UBE3B: variants seen among roughly 807,000 people sequenced by gnomAD.
UBE3B encodes the protein ubiquitin protein ligase E3B, also known as ubiquitin-protein ligase E3B.
A neutral mutation model predicts 132.3 loss-of-function variants in UBE3B; 80 were observed. That is an observed-to-expected ratio of 0.60 (90% CI 0.50 to 0.73). The LOEUF is 0.73. Among genes scored for constraint, UBE3B ranks in the 30% least tolerant of loss-of-function variants. UBE3B has a pLI of 0.00. For missense variants in UBE3B, 1,196 were observed against 1,362.5 expected, an observed-to-expected ratio of 0.88 and a Z score of 1.92; for synonymous variants, 487 against 520.4, an observed-to-expected ratio of 0.94 and a Z score of 0.87.
Position 109,509,607 on chromosome 12 carries a change from A to C in UBE3B, c.1634A>C (p.Asp545Ala). Residue 545 changes from aspartate (D) to alanine (A), a missense_variant, in exon 16 of 28, where the codon GAC becomes GCC. Transcript: ENST00000342494. Reference protein sequence around the residue: ...CSRHLITILDDIEVYEEQISF... With the variant: ...CSRHLITILDAIEVYEEQISF... ...TCTCTCTGATTTAGAATCCTTGATG[A>C]CATTGAAGTTTATGAAGAACAGATT... The C allele has an allele frequency of 6.2e-7, 1 of 1,600,802 alleles. No individual in the cohort carries two copies. Among genetic ancestry groups the C allele is most frequent in the Non-Finnish European group, 8.5e-7 (1 of 1,175,882 alleles).
downstream of UBE3B, among the ~76,000 whole-genome samples, chr12:109,536,964 G>A (rs186298224): frequency 2.0e-4 from 30 of 152,324 alleles, no homozygotes; most frequent in African/African-American, 7.0e-4. Flanking sequence ...AGAGGCAGCT[G>A]TCACCATAGG....
At chr12:109,487,875 T>G (rs1876783023) in intron 6 of UBE3B, among the ~76,000 whole-genome samples, 1 of 152,174 alleles carries the variant, frequency 6.6e-6, no homozygotes, top group Non-Finnish European at 1.5e-5. Context: ...AACTCAGTGG[T>G]CTCCAAGGTT....
chr12:109,502,963 A>G, intron 13 of UBE3B, 60 bp from the exon 14 acceptor site: 1 of 1,604,304 alleles, frequency 6.2e-7, no homozygotes, highest in East Asian at 2.2e-5. Flanking sequence ...TTCCTTTTCC[A>G]GGGTGGGATT....
At chr12:109,531,842 G>A (rs1882971631) in intron 26 of UBE3B, among the ~76,000 whole-genome samples, 1 of 152,078 alleles carries the variant, frequency 6.6e-6, no homozygotes, top group Non-Finnish European at 1.5e-5. Flanking sequence ...CTCCTACAGA[G>A]GAAAACCAGT....
Position 109,501,660 on chromosome 12 carries a change from CT to C in UBE3B, c.1282+128del. 10 of 1,200,458 alleles carry C rather than the reference CT, an allele frequency of 8.3e-6. No individual in the cohort carries two copies. The East Asian group carries it at 2.3e-4, about 28-fold the overall frequency. The allele number at this position is 1,200,458 out of a possible 1,614,324, so 74.4% of individuals were successfully genotyped here. A position where few individuals can be genotyped will look rare whatever the true frequency, so the allele number is the denominator to read the frequency against. On this transcript the variant is annotated intron_variant, in intron 13 of 27. Coordinates refer to ENST00000342494, the MANE Select transcript of UBE3B (RefSeq NM_130466.4). ...TAACTTTGTTTTTGTTGTTATCGTT[CT>C]TGTTGTTAGAGACAGAGTCTCACTG...
chr12:109,519,146 C>A (rs1205557698), intron 19 of UBE3B, among the ~76,000 whole-genome samples: 1 of 152,200 alleles, frequency 6.6e-6, no homozygotes, highest in Non-Finnish European at 1.5e-5. Context: ...TTACCCAGTC[C>A]TTTCCCCTGT....
intron 4 of UBE3B, among the ~76,000 whole-genome samples, chr12:109,484,694 ATT>A (rs1207696151): frequency 2.4e-4 from 30 of 126,790 alleles, no homozygotes; most frequent in Admixed American, 2.4e-4. Context: ...CCAGCCTCTG[ATT>A]TTTTTTTTTT....
At position 109,533,488 on chromosome 12, in the gene UBE3B, C is replaced by T. The variant is rs967784855; in HGVS notation, c.2945C>T (p.Pro982Leu). The change falls in exon 27 of 28, where the codon CCC becomes CTC. Residue 982 changes from proline (P) to leucine (L), a missense_variant. By Grantham distance (98) the Pro-to-Leu change is moderately conservative (BLOSUM62 -3). Coordinates refer to ENST00000342494, the MANE Select transcript of UBE3B (RefSeq NM_130466.4). Reference protein sequence around the residue: ...FLKFVTSCSRPPLLGFAYLKP... With the variant: ...FLKFVTSCSRLPLLGFAYLKP... ...CAGTTCGTGACCAGCTGCTCCAGAC[C>T]CCCGCTCCTGGGATTCGCCTACCTC... The T allele has an allele frequency of 3.1e-6, 5 of 1,614,002 alleles. No homozygotes were observed. The African/African-American group carries it at 5.3e-5, about 17-fold the overall frequency.
intron 26 of UBE3B, among the ~76,000 whole-genome samples, chr12:109,533,055 C>T (rs1040720433): frequency 7.2e-5 from 11 of 152,146 alleles, no homozygotes; most frequent in East Asian, 1.9e-4. Flanking sequence ...TCGCCCTCAC[C>T]GTCTCCCATT....
At chr12:109,513,236 A>G (rs1880594161) in intron 18 of UBE3B, among the ~76,000 whole-genome samples, 1 of 151,904 alleles carries the variant, frequency 6.6e-6, no homozygotes, top group African/African-American at 2.4e-5. Flanking sequence ...TGACCATTGC[A>G]TTCCCATAAC....
At chr12:109,497,979 T>G in intron 10 of UBE3B, 56 bp downstream of exon 10, 1 of 1,576,112 alleles carries the variant, frequency 6.3e-7, no homozygotes, top group Admixed American at 1.7e-5. Flanking sequence ...TCTTTTCTTC[T>G]TAAACATTAG....
intron 19 of UBE3B, chr12:109,520,824 G>T: frequency 1.9e-5 from 4 of 210,534 alleles, no homozygotes; most frequent in East Asian, 1.0e-4. Context: ...AATGTATCTT[G>T]TCCCGGTTTC....
chr12:109,526,300 G>A (rs1270357240), intron 23 of UBE3B, 58 bp from the exon 24 acceptor site: 2 of 1,555,424 alleles, frequency 1.3e-6, no homozygotes, highest in Non-Finnish European at 1.8e-6. Flanking sequence ...TCATCTCCGG[G>A]AAGCTTTATT....
chr12:109,500,621 T>C (rs1046549438), intron 12 of UBE3B, among the ~76,000 whole-genome samples: 11 of 152,312 alleles, frequency 7.2e-5, no homozygotes, highest in African/African-American at 2.4e-4. Flanking sequence ...GTCAGGAGGC[T>C]GTGGGAGGTA....
chr12:109,486,677 G>A (rs1453514034), intron 6 of UBE3B, 102 bp downstream of exon 6: 9 of 947,654 alleles, frequency 9.5e-6, no homozygotes, highest in East Asian at 5.2e-5. Context: ...CACTATCAAC[G>A]AGAGTTGCTA....
chr12:109,524,473 G>A lies in UBE3B; in HGVS notation c.2538G>A (p.Thr846=), dbSNP rs116919928. 1.0e-3 allele frequency: 1,684 copies of A among 1,614,176 alleles called. 46 individuals are homozygous for A. The East Asian group carries it at 0.027, about 26-fold the overall frequency. Residue 846 remains threonine, a synonymous_variant, in exon 23 of 28, where the codon ACG becomes ACA. Transcript: ENST00000342494. ...YDGDITDLGL[T]LSYDEDVMGQ... ...GGGACATCACTGACCTGGGCCTGAC[G>A]CTGTCTTACGACGAGGACGTCATGG...
At chr12:109,490,180 G>A in intron 8 of UBE3B, 176 bp downstream of exon 8, 1 of 859,796 alleles carries the variant, frequency 1.2e-6, no homozygotes, top group Non-Finnish European at 1.9e-6. Context: ...TTGTGGGTCA[G>A]GTAAAGGGAG....
Position 109,483,888 on chromosome 12 carries a change from A to T in UBE3B, c.189A>T (p.Ala63=), listed in dbSNP as rs143536763. The change falls in exon 4 of 28, where the codon GCA becomes GCT. Residue 63 remains alanine (A), a synonymous_variant. Transcript: ENST00000342494. ...IRREIDDFFK[A]DDPESTKRSA... ...GAGAGATTGATGACTTTTTTAAAGC[A>T]GATGACCCTGAGTCCACTAAAAGAA... is the stretch of plus-strand genomic sequence containing the variant. 4 of 1,613,314 alleles carry T rather than the reference A, an allele frequency of 2.5e-6. No homozygotes were observed. Among genetic ancestry groups the T allele is most frequent in the African/African-American group, 1.3e-5 (1 of 74,936 alleles).
rs1484717882 is a variant in UBE3B at position 109,522,823 on chromosome 12, T to C, written c.2365-1155T>C. 6.6e-6 allele frequency among the ~76,000 whole-genome samples: 1 copy of C among 152,222 alleles called. No individual in the cohort carries two copies. Among genetic ancestry groups the C allele is most frequent in the African/African-American group, 2.4e-5 (1 of 41,450 alleles). ...ATTTGGGTCCTGGGCCCATTCTCTG[T>C]GCCTCTGTTTCCTCATCTGCATAAT... On this transcript the variant is annotated intron_variant, in intron 21 of 27. Coordinates refer to ENST00000342494, the MANE Select transcript of UBE3B (RefSeq NM_130466.4). The surrounding 1 kb of genome is among the most constrained non-coding windows in gnomAD (Gnocchi z 4.2).
Sources: allele counts gnomAD v4.1 joint callset (sites outside exome capture counted in the v4.1 genomes callset), GRCh38; gene constraint gnomAD v4.1.1; non-coding constraint Gnocchi (gnomAD v3.1); transcripts MANE v1.5; gene names NCBI Gene and HGNC (gene_info 2026-07-23, HGNC 2026-07-21).